NRG1: variants seen among roughly 807,000 people sequenced by gnomAD.
NRG1 encodes the protein neuregulin 1.
A neutral mutation model predicts 63.8 loss-of-function variants in NRG1; 18 were observed. The observed-to-expected ratio is 0.28, with a 90% CI of 0.19 to 0.42. The LOEUF (loss-of-function observed/expected upper bound fraction) is 0.42. Among genes scored for constraint, NRG1 ranks in the 10% least tolerant of loss-of-function variants. The probability of loss-of-function intolerance (pLI) is 1.00; values close to 1 mark genes in which losing one functional copy is unlikely to be tolerated. For synonymous variants in NRG1, 302 were observed against 301.3 expected, an observed-to-expected ratio of 1.00 and a Z score of -0.02; for missense variants, 762 against 814.7, an observed-to-expected ratio of 0.94 and a Z score of 0.79.
intron 1 of NRG1, among the ~76,000 whole-genome samples, chr8:32,264,908 A>G (rs17624592): frequency 0.061 from 9,263 of 152,254 alleles, 337 homozygotes; most frequent in Non-Finnish European, 0.074. Flanking sequence ...AGATATGCAA[A>G]GAAAAAGTTC....
intron 5 of NRG1, among the ~76,000 whole-genome samples, chr8:32,667,002 A>T (rs552158725): frequency 6.6e-6 from 1 of 152,340 alleles, no homozygotes; most frequent in East Asian, 1.9e-4. Context: ...ACGTCACTTA[A>T]TGACAAGGAT....
At chr8:32,145,264 C>T (rs565319211) in intron 1 of NRG1, among the ~76,000 whole-genome samples, 1 of 152,252 alleles carries the variant, frequency 6.6e-6, no homozygotes, top group South Asian at 2.1e-4. Context: ...TGGTTGTTTT[C>T]TGAGATACCT....
At chr8:32,293,295 CAG>C (rs567577420) in intron 1 of NRG1, among the ~76,000 whole-genome samples, 103 of 152,094 alleles carry the variant, frequency 6.8e-4, no homozygotes, top group African/African-American at 2.3e-3. Context: ...CTAAGAGAGA[CAG>C]GGGGTGTTTT....
intron 1 of NRG1, among the ~76,000 whole-genome samples, chr8:31,644,111 G>A (rs2130845049): frequency 6.6e-6 from 1 of 152,256 alleles, no homozygotes; most frequent in African/African-American, 2.4e-5. Flanking sequence ...AAATGCTGCA[G>A]AGATTTTCCA....
chr8:32,503,291 A>G (rs1359755505), intron 1 of NRG1, among the ~76,000 whole-genome samples: 12 of 80,896 alleles, frequency 1.5e-4, no homozygotes, highest in East Asian at 1.9e-3. Flanking sequence ...TGTCTCAGAA[A>G]AAAAAAAAAA....
chr8:32,352,914 T>G (rs12547254), intron 1 of NRG1, among the ~76,000 whole-genome samples: 20,568 of 89,414 alleles, frequency 0.23, 2,218 homozygotes, highest in African/African-American at 0.37. Context: ...TATATATATA[T>G]AGAGAGAGAG....
At chr8:32,037,084 T>G (rs1819191314) in intron 1 of NRG1, among the ~76,000 whole-genome samples, 1 of 152,228 alleles carries the variant, frequency 6.6e-6, no homozygotes, top group Non-Finnish European at 1.5e-5. Flanking sequence ...TTACCTTTGA[T>G]CTTTGAGGCT....
Position 32,674,326 on chromosome 8 carries a change from A to G in NRG1, c.503-53623A>G, listed in dbSNP as rs147596601. 4.3e-3 allele frequency among the ~76,000 whole-genome samples: 649 copies of G among 152,334 alleles called. 4 individuals are homozygous for G. Among genetic ancestry groups the G allele is most frequent in the African/African-American group, 0.015 (612 of 41,586 alleles). On this transcript the variant is annotated intron_variant, in intron 5 of 11. Coordinates refer to ENST00000356819, the Ensembl canonical transcript of NRG1. ...ATGTAAGAAAGCATAACTGAAGCTC[A>G]TTAGTCAAACTAAAAAGCTCATGAA...
intron 1 of NRG1, among the ~76,000 whole-genome samples, chr8:32,035,253 G>T (rs1275169460): frequency 6.6e-6 from 1 of 152,130 alleles, no homozygotes; most frequent in Non-Finnish European, 1.5e-5. Context: ...TAGTTGTGTG[G>T]TTTTGAGTGA....
chr8:32,256,734 G>A (rs1487046202), intron 1 of NRG1: 2 of 152,426 alleles, frequency 1.3e-5, no homozygotes, highest in Non-Finnish European at 2.9e-5. Flanking sequence ...CCTGCTGGGA[G>A]GTTTCTCCCA....
intron 1 of NRG1, among the ~76,000 whole-genome samples, chr8:32,436,911 ACACAC>A (rs1818862404): frequency 1.3e-5 from 2 of 152,028 alleles, no homozygotes; most frequent in Admixed American, 1.3e-4. Context: ...ACACACACAC[ACACAC>A]AATTTAAAAA....
intron 1 of NRG1, among the ~76,000 whole-genome samples, chr8:32,392,741 G>A (rs1252562258): frequency 6.6e-6 from 1 of 152,078 alleles, no homozygotes. Context: ...CACAGTTTCG[G>A]GCCTCATGAT....
intron 1 of NRG1, among the ~76,000 whole-genome samples, chr8:31,790,025 G>C (rs563780935): frequency 3.3e-5 from 5 of 152,262 alleles, no homozygotes; most frequent in African/African-American, 9.6e-5. Context: ...TAAGCAAAAA[G>C]GTAGCAGTAA....
rs139290854 is a variant in NRG1 at position 31,788,208 on chromosome 8, C to A, written c.37+148777C>A. Among the ~76,000 whole-genome samples the A allele has an allele frequency of 2.4e-4, 36 of 151,922 alleles. No individual in the cohort carries two copies. The East Asian group carries it at 6.0e-3, about 25-fold the overall frequency. ...AAAAAATTAAGATAAAGAAAAAAAC[C>A]CATAATCCTACTGCTGAATGAGAGC... On this transcript the variant is annotated intron_variant, in intron 1 of 10. Coordinates refer to the NRG1 transcript ENST00000519301.
chr8:32,760,205 G>T, exon 11 of NRG1: 5 of 1,613,900 alleles, frequency 3.1e-6, no homozygotes, highest in Non-Finnish European at 4.2e-6. Flanking sequence ...CGCAGCTGGA[G>T]CAACGGACAC....
At chr8:32,755,005 C>T (rs1391109162) in intron 8 of NRG1, among the ~76,000 whole-genome samples, 3 of 152,034 alleles carry the variant, frequency 2.0e-5, no homozygotes, top group African/African-American at 7.2e-5. Flanking sequence ...ATCTGAAATG[C>T]AGTTTTCTGA....
chr8:32,064,752 T>G (rs1824467905), intron 1 of NRG1, among the ~76,000 whole-genome samples: 1 of 152,282 alleles, frequency 6.6e-6, no homozygotes, highest in East Asian at 1.9e-4. Flanking sequence ...TCAGCTTCCC[T>G]TTACTACCTT....
At chr8:32,386,014 T>G (rs1311868829) in intron 1 of NRG1, among the ~76,000 whole-genome samples, 3 of 152,224 alleles carry the variant, frequency 2.0e-5, no homozygotes, top group Non-Finnish European at 4.4e-5. Flanking sequence ...TTTTGTTTAT[T>G]TATTTTTACC....
intron 5 of NRG1, among the ~76,000 whole-genome samples, chr8:32,655,523 T>C (rs1801277090): frequency 1.3e-5 from 2 of 152,188 alleles, no homozygotes; most frequent in South Asian, 4.1e-4. Flanking sequence ...CTATCAGGGT[T>C]CGTGTATGCA....
Sources: gnomAD v4.1 joint callset for allele counts (sites outside exome capture counted in the v4.1 genomes callset) on GRCh38, gnomAD v4.1.1 for gene constraint, MANE v1.5 for transcripts, NCBI Gene and HGNC (gene_info 2026-07-23, HGNC 2026-07-21) for gene names.